PSPH: variants seen among roughly 807,000 people sequenced by gnomAD.
PSPH encodes the protein phosphoserine phosphatase.
In PSPH, 16 loss-of-function variants were observed where a neutral mutation model predicts 23.4. That is an observed-to-expected ratio of 0.68 (90% CI 0.46 to 1.04). PSPH has a LOEUF of 1.04. Among genes scored for constraint, PSPH ranks in the 50% least tolerant of loss-of-function variants. The pLI, the probability that PSPH is intolerant of heterozygous loss-of-function variation, is 0.00. For synonymous variants in PSPH, 68 were observed against 99.7 expected (o/e 0.68, Z 1.89); for missense variants, 223 against 273.7 (o/e 0.81, Z 1.31).
intron 3 of PSPH, among the ~76,000 whole-genome samples, chr7:56,022,085 G>A (rs1445673165): frequency 9.9e-5 from 15 of 152,172 alleles, no homozygotes; most frequent in Non-Finnish European, 4.4e-5. Flanking sequence ...AGCACTTTGG[G>A]AGGCTAAGGC....
At chr7:56,023,825 G>A (rs1249645470) in intron 3 of PSPH, among the ~76,000 whole-genome samples, 1 of 152,050 alleles carries the variant, frequency 6.6e-6, no homozygotes, top group Non-Finnish European at 1.5e-5. Context: ...TTAAGTCAGG[G>A]GTCAGCAAAC....
chr7:56,034,560 G>A (rs572510078), intron 1 of PSPH, among the ~76,000 whole-genome samples: 1 of 152,092 alleles, frequency 6.6e-6, no homozygotes, highest in South Asian at 2.1e-4. Context: ...CTGTCGCCTG[G>A]GCTGGAGTGC....
chr7:56,015,728 G>C (rs944456360), intron 6 of PSPH, among the ~76,000 whole-genome samples: 2 of 151,546 alleles, frequency 1.3e-5, no homozygotes, highest in African/African-American at 2.4e-5. Flanking sequence ...GTGTGATCTC[G>C]GCTCACTGCA....
rs975387794 is a variant in PSPH, at chr7:56,011,208, A to G, written c.*554T>C. 5 of 152,760 alleles carry G rather than the reference A, an allele frequency of 3.3e-5. No individual in the cohort carries two copies. Among genetic ancestry groups the G allele is most frequent in the African/African-American group, 1.2e-4 (5 of 41,458 alleles). 9.5% of individuals were successfully genotyped at this position (152,760 alleles called of 1,614,324 possible). A position where few individuals can be genotyped will look rare whatever the true frequency, so the allele number is the denominator to read the frequency against. On this transcript the variant is annotated 3_prime_UTR_variant, in exon 8 of 8. Coordinates refer to ENST00000275605, the MANE Select transcript of PSPH (RefSeq NM_004577.4). Reference sequence around the variant, plus strand: ...CTTTGTATGAAATATAGCTACAAATATACATAAAGAATTCAGATCACAAAA... The same window carrying G: ...CTTTGTATGAAATATAGCTACAAATGTACATAAAGAATTCAGATCACAAAA...
intron 3 of PSPH, among the ~76,000 whole-genome samples, chr7:56,027,034 C>T (rs1420746620): frequency 2.6e-5 from 4 of 151,598 alleles, no homozygotes; most frequent in Admixed American, 6.6e-5. Flanking sequence ...GGTGAAACCC[C>T]GTCTCTACTA....
At chr7:56,030,005 A>G (rs1481549615) in intron 3 of PSPH, among the ~76,000 whole-genome samples, 2 of 151,712 alleles carry the variant, frequency 1.3e-5, no homozygotes, top group East Asian at 1.9e-4. Context: ...AAAAAAAAAA[A>G]AGAATACACA....
At chr7:56,018,501 C>A (rs372296045) in intron 5 of PSPH, among the ~76,000 whole-genome samples, 2 of 152,030 alleles carry the variant, frequency 1.3e-5, no homozygotes, top group Non-Finnish European at 2.9e-5. Context: ...AGGCAGAAAC[C>A]GACAGGACCA....
At chr7:56,041,210 T>TC (rs1491527330) in intron 1 of PSPH, among the ~76,000 whole-genome samples, 8 of 113,336 alleles carry the variant, frequency 7.1e-5, no homozygotes, top group South Asian at 3.1e-4. Flanking sequence ...TCTCTCTCTC[T>TC]TTTTTTTTTT....
chr7:56,031,740 G>C (rs2116915165), intron 3 of PSPH, among the ~76,000 whole-genome samples, 189 bp downstream of exon 3: 1 of 152,290 alleles, frequency 6.6e-6, no homozygotes, highest in East Asian at 1.9e-4. Flanking sequence ...CTTGAACCCA[G>C]GAGGTGGAGG....
intron 3 of PSPH, among the ~76,000 whole-genome samples, chr7:56,024,924 C>T (rs573496045): frequency 1.1e-4 from 17 of 151,258 alleles, no homozygotes; most frequent in African/African-American, 3.9e-4. Context: ...CTGCCTCAGC[C>T]TCCCAAGTAG....
At chr7:56,029,333 A>G (rs1295850917) in intron 3 of PSPH, among the ~76,000 whole-genome samples, 2 of 152,084 alleles carry the variant, frequency 1.3e-5, no homozygotes, top group African/African-American at 4.8e-5. Flanking sequence ...GGGCAGGGCC[A>G]GGGTAGAAGA....
chr7:56,019,850 AGT>A, intron 4 of PSPH, 116 bp from the exon 5 acceptor site: 1 of 1,226,246 alleles, frequency 8.2e-7, no homozygotes, highest in Non-Finnish European at 1.2e-6. Flanking sequence ...CCAAGAGCCC[AGT>A]GTGCAACAGA....
chr7:56,041,086 C>A (rs992202548), intron 1 of PSPH, among the ~76,000 whole-genome samples: 3 of 152,048 alleles, frequency 2.0e-5, no homozygotes, highest in Non-Finnish European at 2.9e-5. Flanking sequence ...CTGTTTTGGC[C>A]AGCACAGAAG....
At chr7:56,039,643 G>C (rs762530384) in intron 1 of PSPH, among the ~76,000 whole-genome samples, 1 of 151,334 alleles carries the variant, frequency 6.6e-6, no homozygotes, top group African/African-American at 2.4e-5. Flanking sequence ...GGGCATGGTA[G>C]TACGTGCCTG....
chr7:56,049,387 AAATTGTTTTTTCCCCTTATCAAG>A, intron 1 of PSPH, among the ~76,000 whole-genome samples: 1 of 152,034 alleles, frequency 6.6e-6, no homozygotes, highest in South Asian at 2.1e-4. Context: ...CATGTTATTT[AAATTGTTTTTTCCCCTTATCAAG>A]AACACCTATT....
At chr7:56,029,051 G>A (rs1374572407) in intron 3 of PSPH, among the ~76,000 whole-genome samples, 1 of 151,760 alleles carries the variant, frequency 6.6e-6, no homozygotes, top group African/African-American at 2.4e-5. Flanking sequence ...CTGACCTCAA[G>A]TGATTCACCT....
chr7:56,035,804 G>C (rs531565967), intron 1 of PSPH, among the ~76,000 whole-genome samples: 2 of 151,978 alleles, frequency 1.3e-5, no homozygotes, highest in Non-Finnish European at 2.9e-5. Context: ...ATTTTTAGTA[G>C]AGATGGGGTT....
At chr7:56,029,025 G>A (rs1790584413) in intron 3 of PSPH, among the ~76,000 whole-genome samples, 1 of 151,934 alleles carries the variant, frequency 6.6e-6, no homozygotes, top group Non-Finnish European at 1.5e-5. Flanking sequence ...ATATTGGCCA[G>A]GCTGGTCTCA....
intron 3 of PSPH, among the ~76,000 whole-genome samples, chr7:56,027,710 AC>A (rs1790402273): frequency 6.7e-6 from 1 of 149,034 alleles, no homozygotes; most frequent in Non-Finnish European, 1.5e-5. Flanking sequence ...AAAAAGGCCA[AC>A]CAGGTACTTG....
Sources: gnomAD v4.1 joint callset for allele counts (sites outside exome capture counted in the v4.1 genomes callset) on GRCh38, gnomAD v4.1.1 for gene constraint, MANE v1.5 for transcripts, NCBI Gene and HGNC (gene_info 2026-07-23, HGNC 2026-07-21) for gene names.